ZMAT4: variants seen among roughly 807,000 people sequenced by gnomAD.
The protein encoded by ZMAT4 is zinc finger matrin-type protein 4.
ZMAT4 carries 17 observed loss-of-function variants against 28.7 expected under a neutral mutation model. The observed-to-expected ratio is 0.59, with a 90% confidence interval of 0.41 to 0.89. The LOEUF (loss-of-function observed/expected upper bound fraction) is 0.89. Ranked by LOEUF, ZMAT4 falls within the 40% of genes least tolerant of loss-of-function variation. ZMAT4 has a pLI of 0.00. For synonymous variants in ZMAT4, 117 were observed against 109.2 expected (o/e 1.07, Z -0.44); for missense variants, 240 against 283.8 (o/e 0.85, Z 1.11).
At chr8:40,767,856 T>C in intron 2 of ZMAT4, 126 bp from the exon 3 acceptor site, 1 of 693,348 alleles carries the variant, frequency 1.4e-6, no homozygotes, top group Non-Finnish European at 2.3e-6. Context: ...TGCATACTCC[T>C]GTGAGGGATG....
At chr8:40,796,831 C>T (rs1814619889) in intron 2 of ZMAT4, among the ~76,000 whole-genome samples, 1 of 152,182 alleles carries the variant, frequency 6.6e-6, no homozygotes, top group Admixed American at 6.5e-5. Context: ...GTCAGGGAAA[C>T]TGCAAGAAGT....
intron 5 of ZMAT4, among the ~76,000 whole-genome samples, chr8:40,590,768 C>A (rs10504030): frequency 7.3e-5 from 11 of 151,636 alleles, no homozygotes; most frequent in Admixed American, 5.9e-4. Context: ...CATATTGAAC[C>A]TGCTATCAAT....
At chr8:40,821,169 A>C (rs1422543711) in intron 2 of ZMAT4, among the ~76,000 whole-genome samples, 1 of 152,066 alleles carries the variant, frequency 6.6e-6, no homozygotes, top group East Asian at 1.9e-4. Flanking sequence ...CCTACGTTGC[A>C]GAAAACCACT....
chr8:40,767,847 G>A (rs1223534120), intron 2 of ZMAT4, 117 bp from the exon 3 acceptor site: 4 of 764,516 alleles, frequency 5.2e-6, no homozygotes, highest in African/African-American at 1.8e-5. Context: ...AGACACTTCT[G>A]CATACTCCTG....
At chr8:40,720,835 C>T (rs944547295) in intron 3 of ZMAT4, among the ~76,000 whole-genome samples, 1 of 151,322 alleles carries the variant, frequency 6.6e-6, no homozygotes, top group Non-Finnish European at 1.5e-5. Context: ...CCGATAGACT[C>T]TTTTAGAAGC....
intron 3 of ZMAT4, among the ~76,000 whole-genome samples, chr8:40,756,677 C>A (rs1586001548): frequency 7.0e-6 from 1 of 142,568 alleles, no homozygotes; most frequent in Non-Finnish European, 1.5e-5. Flanking sequence ...GTACTGGATT[C>A]TTATTATTTG....
Position 40,733,739 on chromosome 8 carries a change from G to A in ZMAT4, c.192+33902C>T, listed in dbSNP as rs1811641064. ...GTTTAAGAAATACTGGTTGTGAAAG[G>A]CAGCCTTAGAACAGGTCTAAATTAG... is the stretch of plus-strand genomic sequence containing the variant. On this transcript the variant is annotated intron_variant, in intron 3 of 6. Coordinates refer to ENST00000297737, the MANE Select transcript of ZMAT4 (RefSeq NM_024645.3). Among the ~76,000 whole-genome samples the A allele has an allele frequency of 2.6e-5, 4 of 152,100 alleles. No individual in the cohort carries two copies. The South Asian group carries it at 8.3e-4, about 32-fold the overall frequency.
intron 1 of ZMAT4, among the ~76,000 whole-genome samples, chr8:40,826,212 A>C (rs1816033530): frequency 6.6e-6 from 1 of 152,238 alleles, no homozygotes; most frequent in Non-Finnish European, 1.5e-5. Flanking sequence ...AGTGGGTTAA[A>C]TGAACTTTGA....
chr8:40,839,208 T>C (rs1816608311), intron 1 of ZMAT4, among the ~76,000 whole-genome samples: 1 of 152,110 alleles, frequency 6.6e-6, no homozygotes, highest in South Asian at 2.1e-4. Context: ...GCAGAAGCAA[T>C]GGTGCAGAGA....
At chr8:40,582,265 C>A (rs1230651437) in intron 5 of ZMAT4, among the ~76,000 whole-genome samples, 3 of 152,098 alleles carry the variant, frequency 2.0e-5, no homozygotes, top group African/African-American at 4.8e-5. Flanking sequence ...ATTTGGGAGG[C>A]CGAGGCAGGA....
intron 3 of ZMAT4, among the ~76,000 whole-genome samples, chr8:40,757,020 T>C (rs1812726025): frequency 6.6e-6 from 1 of 152,158 alleles, no homozygotes; most frequent in Non-Finnish European, 1.5e-5. Flanking sequence ...TCTCGTGTTT[T>C]GGAACGCAGG....
chr8:40,830,847 A>G (rs1221393197), intron 1 of ZMAT4, among the ~76,000 whole-genome samples: 1 of 152,204 alleles, frequency 6.6e-6, no homozygotes, highest in Non-Finnish European at 1.5e-5. Context: ...TTGTTCAGCA[A>G]CTTACACAGC....
rs537453549 is a variant in ZMAT4 at position 40,533,679 on chromosome 8, T to C, written c.675-1441A>G. 7.2e-5 allele frequency among the ~76,000 whole-genome samples: 11 copies of C among 152,344 alleles called. No individual in the cohort carries two copies. The East Asian group carries it at 1.9e-3, about 27-fold the overall frequency. The stretch of plus-strand genomic sequence containing the variant: ...AAGAATTTGAACATTGTTGGTATAA[T>C]GTAGACTAAAAAAATTGAGACTATA... On this transcript the variant is annotated intron_variant, in intron 6 of 6. Transcript: ENST00000297737.
chr8:40,590,951 T>C (rs1804874218), intron 5 of ZMAT4, among the ~76,000 whole-genome samples: 1 of 152,154 alleles, frequency 6.6e-6, no homozygotes, highest in Non-Finnish European at 1.5e-5. Context: ...CAATTATGAT[T>C]GGTTGGTTGT....
intron 1 of ZMAT4, among the ~76,000 whole-genome samples, chr8:40,851,812 A>G (rs943773333): frequency 6.6e-6 from 1 of 152,220 alleles, no homozygotes; most frequent in Non-Finnish European, 1.5e-5. Flanking sequence ...CTATAGTTGT[A>G]GGATGTTAAA....
At chr8:40,590,806 A>G (rs370799916) in intron 5 of ZMAT4, among the ~76,000 whole-genome samples, 19 of 152,190 alleles carry the variant, frequency 1.2e-4, no homozygotes, top group Middle Eastern at 3.4e-3. Flanking sequence ...TTCTACACAC[A>G]TTTCTGCTAA....
At chr8:40,891,113 G>A (rs899909139) in intron 1 of ZMAT4, among the ~76,000 whole-genome samples, 1 of 149,056 alleles carries the variant, frequency 6.7e-6, no homozygotes. Flanking sequence ...TGGGAGGATT[G>A]CTTGAGGCCA....
intron 5 of ZMAT4, among the ~76,000 whole-genome samples, chr8:40,592,340 C>T (rs1196163184): frequency 2.0e-5 from 3 of 152,194 alleles, no homozygotes; most frequent in South Asian, 4.1e-4. Flanking sequence ...GGGTTTGACA[C>T]AGCCCTAGTT....
intron 2 of ZMAT4, among the ~76,000 whole-genome samples, chr8:40,822,966 G>A (rs993065657): frequency 5.3e-5 from 8 of 152,182 alleles, no homozygotes; most frequent in Admixed American, 4.6e-4. Context: ...GGTACAGTAT[G>A]TTAACAGGAA....
Sources: gnomAD v4.1 joint callset for allele counts (sites outside exome capture counted in the v4.1 genomes callset) on GRCh38, gnomAD v4.1.1 for gene constraint, MANE v1.5 for transcripts, NCBI Gene and HGNC (gene_info 2026-07-23, HGNC 2026-07-21) for gene names.